Variants in DGKB observed in about 807,000 individuals in gnomAD.
DGKB encodes the protein 90 kDa diacylglycerol kinase.
DGKB carries 67 observed loss-of-function variants against 114.3 expected under a neutral mutation model. That is an observed-to-expected ratio of 0.59 (90% CI 0.48 to 0.72). The LOEUF (loss-of-function observed/expected upper bound fraction) is 0.72. Ranked by LOEUF, DGKB falls within the 30% of genes least tolerant of loss-of-function variation. The pLI, the probability that DGKB is intolerant of heterozygous loss-of-function variation, is 0.00. For synonymous variants in DGKB, 398 were observed against 323.1 expected, an observed-to-expected ratio of 1.23 and a Z score of -2.49; for missense variants, 907 against 975.2, an observed-to-expected ratio of 0.93 and a Z score of 0.93.
intron 23 of DGKB, among the ~76,000 whole-genome samples, chr7:14,260,000 T>C (rs1307538900): frequency 6.6e-6 from 1 of 152,200 alleles, no homozygotes; most frequent in African/African-American, 2.4e-5. Flanking sequence ...TTTTATCTTC[T>C]GGGTTTGAAA....
intron 2 of DGKB, among the ~76,000 whole-genome samples, chr7:14,836,644 G>A (rs1446654179): frequency 6.6e-6 from 1 of 152,170 alleles, no homozygotes; most frequent in Non-Finnish European, 1.5e-5. Context: ...CAGTTTGGAT[G>A]ACTTTATATC....
intron 1 of DGKB, among the ~76,000 whole-genome samples, chr7:14,860,877 T>C (rs13247894): frequency 1.3e-5 from 2 of 151,964 alleles, no homozygotes; most frequent in Non-Finnish European, 2.9e-5. Flanking sequence ...TGTGACATTT[T>C]CTTAGGAAAA....
At chr7:14,748,996 TTTAAA>T (rs1833753100) in intron 4 of DGKB, among the ~76,000 whole-genome samples, 2 of 152,182 alleles carry the variant, frequency 1.3e-5, no homozygotes, top group African/African-American at 4.8e-5. Flanking sequence ...TAGATAATAA[TTTAAA>T]TTAATCAGAG....
intron 13 of DGKB, among the ~76,000 whole-genome samples, chr7:14,642,721 T>C (rs1424936573): frequency 2.0e-5 from 3 of 152,218 alleles, no homozygotes; most frequent in Admixed American, 6.5e-5. Context: ...ATTTGAGTTT[T>C]AACTTAATTT....
intron 1 of DGKB, among the ~76,000 whole-genome samples, chr7:14,956,501 A>G (rs942363541): frequency 6.6e-6 from 1 of 152,094 alleles, no homozygotes; most frequent in Non-Finnish European, 1.5e-5. Flanking sequence ...TAAGTAATTT[A>G]CTAATGGGCT....
At chr7:14,719,253 A>G (rs1215806872) in intron 5 of DGKB, among the ~76,000 whole-genome samples, 2 of 152,218 alleles carry the variant, frequency 1.3e-5, no homozygotes. Flanking sequence ...AAAACTCTGG[A>G]TAAACATGAT....
intron 1 of DGKB, among the ~76,000 whole-genome samples, chr7:14,917,347 T>C (rs1784293636): frequency 6.6e-6 from 1 of 151,800 alleles, no homozygotes; most frequent in African/African-American, 2.4e-5. Context: ...AAAAGTTAGA[T>C]CTTAGAGCAA....
intron 20 of DGKB, among the ~76,000 whole-genome samples, chr7:14,549,426 T>C (rs942444000): frequency 6.6e-6 from 1 of 152,118 alleles, no homozygotes. Flanking sequence ...AAAATTGATA[T>C]ATATTTTCTG....
intron 21 of DGKB, among the ~76,000 whole-genome samples, chr7:14,381,021 C>A (rs1355013099): frequency 1.3e-5 from 2 of 152,114 alleles, no homozygotes; most frequent in African/African-American, 4.8e-5. Flanking sequence ...GCCTGGGGCA[C>A]CTCGTAGTTG....
At chr7:14,493,676 A>G (rs1212125137) in intron 20 of DGKB, among the ~76,000 whole-genome samples, 1 of 152,026 alleles carries the variant, frequency 6.6e-6, no homozygotes, top group African/African-American at 2.4e-5. Flanking sequence ...AGGTCCAGGG[A>G]CGGTCCAAGA....
intron 23 of DGKB, among the ~76,000 whole-genome samples, chr7:14,182,531 T>A (rs1782791685): frequency 6.6e-6 from 1 of 152,166 alleles, no homozygotes. Flanking sequence ...GCAAAAAGAC[T>A]ATAGCACAAA....
intron 23 of DGKB, among the ~76,000 whole-genome samples, chr7:14,301,085 GT>G (rs1403139465): frequency 6.6e-6 from 1 of 152,014 alleles, no homozygotes; most frequent in Non-Finnish European, 1.5e-5. Context: ...AATAGCCATG[GT>G]TTTAATAATA....
Position 14,410,706 on chromosome 7 carries a change from T to C in DGKB, c.1836-65315A>G, listed in dbSNP as rs62444638. On this transcript the variant is annotated intron_variant, in intron 21 of 25. Coordinates refer to ENST00000402815, the MANE Select transcript of DGKB (RefSeq NM_001350709.2). ...AAAGAAATTTGACAAAATGAGTAAA[T>C]AGTTACCACATCTGAGCTACATAAA... 5.1e-3 allele frequency among the ~76,000 whole-genome samples: 782 copies of C among 152,100 alleles called. 5 individuals are homozygous for C. The highest frequency in any genetic ancestry group is 0.017 in the Middle Eastern group (5 of 292).
At chr7:14,939,621 C>CTT (rs60427374) in intron 1 of DGKB, among the ~76,000 whole-genome samples, 3,012 of 84,098 alleles carry the variant, frequency 0.036, 669 homozygotes, top group African/African-American at 0.1. Context: ...AAATATAATA[C>CTT]TTTTTTTTTT....
At chr7:14,377,483 C>T (rs1223583645) in intron 21 of DGKB, among the ~76,000 whole-genome samples, 1 of 152,238 alleles carries the variant, frequency 6.6e-6, no homozygotes, top group South Asian at 2.1e-4. Context: ...TATGGACTTT[C>T]TTTTCTTGAG....
At chr7:14,933,784 C>T (rs946702997) in intron 1 of DGKB, among the ~76,000 whole-genome samples, 5 of 151,950 alleles carry the variant, frequency 3.3e-5, no homozygotes, top group African/African-American at 9.7e-5. Context: ...TGCTGCTCTT[C>T]GATTATGATT....
chr7:14,555,581 G>C (rs532543673), intron 20 of DGKB, among the ~76,000 whole-genome samples: 1 of 152,244 alleles, frequency 6.6e-6, no homozygotes, highest in African/African-American at 2.4e-5. Context: ...TTGAACCAGA[G>C]CAACTCCATC....
intron 2 of DGKB, among the ~76,000 whole-genome samples, chr7:14,802,243 A>C (rs2128052613): frequency 6.6e-6 from 1 of 152,190 alleles, no homozygotes; most frequent in Admixed American, 6.6e-5. Flanking sequence ...ACTAATACTG[A>C]TATCAAATTT....
At chr7:14,644,777 C>T (rs1585297796) in intron 13 of DGKB, among the ~76,000 whole-genome samples, 1 of 152,120 alleles carries the variant, frequency 6.6e-6, no homozygotes, top group Admixed American at 6.6e-5. Flanking sequence ...GACATGGAAA[C>T]CTATTGAATA....
Sources: allele counts gnomAD v4.1 joint callset (sites outside exome capture counted in the v4.1 genomes callset), GRCh38; gene constraint gnomAD v4.1.1; transcripts MANE v1.5; gene names NCBI Gene and HGNC (gene_info 2026-07-23, HGNC 2026-07-21).